The following PSMF1 variants were observed in gnomAD, a reference collection of about 807,000 sequenced individuals.
PSMF1 encodes proteasome inhibitor PI31 subunit.
A neutral mutation model predicts 29.3 loss-of-function variants in PSMF1; 30 were observed. That is an observed-to-expected ratio of 1.02 (90% CI 0.77 to 1.39). The LOEUF (loss-of-function observed/expected upper bound fraction) is 1.39. Ranked by LOEUF, PSMF1 falls within the 40% of genes most tolerant of loss-of-function variation. The pLI is 0.00. For missense variants in PSMF1, 344 were observed against 357.5 expected, an observed-to-expected ratio of 0.96 and a Z score of 0.31; for synonymous variants, 134 against 139.7, an observed-to-expected ratio of 0.96 and a Z score of 0.29.
chr20:1,127,339 G>A (rs760855370), intron 2 of PSMF1, 87 bp from the exon 3 acceptor site: 2 of 982,662 alleles, frequency 2.0e-6, no homozygotes, highest in South Asian at 2.6e-5. Context: ...TATTTCTTTA[G>A]GTTGAAGACT....
At chr20:1,147,224 C>A (rs535121149) in intron 4 of PSMF1, among the ~76,000 whole-genome samples, 4 of 152,224 alleles carry the variant, frequency 2.6e-5, no homozygotes, top group African/African-American at 9.6e-5. Flanking sequence ...CTTGGCTGTT[C>A]ACCATGCGTT....
intron 4 of PSMF1, among the ~76,000 whole-genome samples, chr20:1,158,784 T>C (rs1305365236): frequency 6.6e-6 from 1 of 152,134 alleles, no homozygotes; most frequent in African/African-American, 2.4e-5. Context: ...TGTACGAAAA[T>C]GATTTTAAAA....
At chr20:1,113,614 TCA>T (rs2085987545), upstream of PSMF1, among the ~76,000 whole-genome samples, 1 of 152,098 alleles carries the variant, frequency 6.6e-6, no homozygotes, top group Non-Finnish European at 1.5e-5. Flanking sequence ...AGAGCTCACC[TCA>T]TTCTTTCAAT....
At chr20:1,155,812 A>T (rs2086588036) in intron 4 of PSMF1, among the ~76,000 whole-genome samples, 1 of 152,238 alleles carries the variant, frequency 6.6e-6, no homozygotes, top group Admixed American at 6.5e-5. Context: ...AAACTTAACT[A>T]GGTTGATTGC....
In PSMF1 at chr20:1,135,326, C is replaced by G; in HGVS notation, c.551+20C>G. 6.3e-7 allele frequency: 1 copy of G among 1,591,754 alleles called. No homozygotes were observed. The highest frequency in any genetic ancestry group is 8.6e-7 in the Non-Finnish European group (1 of 1,168,590). On this transcript the variant is annotated intron_variant, in intron 4 of 6. Coordinates refer to ENST00000335877, the MANE Select transcript of PSMF1 (RefSeq NM_006814.5). ...TCCCTGGTGAGTACAGAGTGCCTAG[C>G]GGGAAGCCCATGCTTCTGTAGAGGG... is the stretch of plus-strand genomic sequence containing the variant.
rs138834719 is a variant in PSMF1 at position 1,142,269 on chromosome 20, C to CT, written c.551+6973dup. ...AAACTAAAATAACTCAGCTATAATT[C>CT]TTTTTTTTTTATTGTTATACTTCAA... On this transcript the variant is annotated intron_variant, in intron 4 of 6. Transcript: ENST00000335877. 8.8e-3 allele frequency among the ~76,000 whole-genome samples: 1,318 copies of CT among 149,632 alleles called. 4 individuals carry two copies. The highest frequency in any genetic ancestry group is 0.031 in the Middle Eastern group (9 of 288).
chr20:1,169,770 C>T lies in PSMF1; in HGVS notation c.*4690C>T, dbSNP rs184779847. On this transcript the variant is annotated 3_prime_UTR_variant, in exon 7 of 7. Coordinates refer to ENST00000335877, the MANE Select transcript of PSMF1 (RefSeq NM_006814.5). ...TCCAAGTTCAAGGCTCAATTGAATG[C>T]GTCTGGTTGTTGGAACCTACATGGC... 3.3e-5 allele frequency among the ~76,000 whole-genome samples: 5 copies of T among 152,278 alleles called. No homozygotes were observed. The highest frequency in any genetic ancestry group is 1.3e-4 in the Admixed American group (2 of 15,292).
At position 1,169,577 on chromosome 20, in the gene PSMF1, T is replaced by G. The variant is rs1318833363; in HGVS notation, c.*4497T>G. Among the ~76,000 whole-genome samples the G allele has an allele frequency of 6.6e-6, 1 of 152,026 alleles. No individual in the cohort carries two copies. The highest frequency in any genetic ancestry group is 1.5e-5 in the Non-Finnish European group (1 of 68,010). On this transcript the variant is annotated 3_prime_UTR_variant, in exon 7 of 7. Transcript: ENST00000335877. ...GGGATTCAGCTGCAGTAAACAGAAA[T>G]TTACCTTTTGTAACCAAAAAGGTAA... is the stretch of plus-strand genomic sequence containing the variant.
At chr20:1,161,709 G>T in intron 4 of PSMF1, 1 of 611,090 alleles carries the variant, frequency 1.6e-6, no homozygotes. Flanking sequence ...TGGACTACAA[G>T]CAGATGTGTA....
chr20:1,113,538 C>T (rs1203664815), intron 1 of PSMF1: 1 of 96,790 alleles, frequency 1.0e-5, no homozygotes, highest in East Asian at 3.6e-4. Flanking sequence ...CTGGAGGACC[C>T]TGGGGTTCAG....
chr20:1,129,017 A>G (rs113015129), intron 3 of PSMF1, among the ~76,000 whole-genome samples: 3,565 of 151,482 alleles, frequency 0.024, 127 homozygotes, highest in African/African-American at 0.082. Context: ...CTGGGACTAC[A>G]GGTGCCCACC....
chr20:1,155,472 A>G (rs933992202), intron 4 of PSMF1, among the ~76,000 whole-genome samples: 73 of 152,170 alleles, frequency 4.8e-4, no homozygotes, highest in Non-Finnish European at 4.4e-5. Context: ...GCACCGTTGT[A>G]GGAACTACAT....
intron 1 of PSMF1, among the ~76,000 whole-genome samples, chr20:1,120,903 C>G (rs1001405759): frequency 4.6e-5 from 7 of 152,194 alleles, no homozygotes; most frequent in African/African-American, 1.7e-4. Context: ...GAGGGCGTGT[C>G]TGATACCCTT....
intron 4 of PSMF1, among the ~76,000 whole-genome samples, chr20:1,139,816 A>AT (rs1178215452): frequency 1.3e-5 from 2 of 152,212 alleles, no homozygotes; most frequent in Non-Finnish European, 2.9e-5. Context: ...AATTAATGAA[A>AT]TTATCCCATT....
In PSMF1 at chr20:1,171,689, C is replaced by G. The variant is rs1022215846; in HGVS notation, c.*6609C>G. The stretch of plus-strand genomic sequence containing the variant: ...CAGCACCCTGGTCAGCGCCCAGCCT[C>G]CCTAAAGCCGCTGGAGGAGGCCTTT... On this transcript the variant is annotated 3_prime_UTR_variant, in exon 7 of 7. Coordinates refer to ENST00000335877, the MANE Select transcript of PSMF1 (RefSeq NM_006814.5). Among the ~76,000 whole-genome samples the G allele has an allele frequency of 6.6e-6, 1 of 152,200 alleles. No homozygotes were observed. The highest frequency in any genetic ancestry group is 1.5e-5 in the Non-Finnish European group (1 of 68,036).
intron 4 of PSMF1, among the ~76,000 whole-genome samples, chr20:1,135,859 T>C (rs1213729535): frequency 6.6e-6 from 1 of 152,090 alleles, no homozygotes; most frequent in Non-Finnish European, 1.5e-5. Context: ...ATGGCAGCAT[T>C]AGGACTGGAG....
intron 4 of PSMF1, among the ~76,000 whole-genome samples, chr20:1,160,148 C>T (rs1271232478): frequency 2.0e-5 from 3 of 152,164 alleles, no homozygotes; most frequent in Non-Finnish European, 4.4e-5. Flanking sequence ...TCACTGTTTA[C>T]GCTCTCGGTA....
At chr20:1,161,652 A>T in intron 4 of PSMF1, 1 of 678,040 alleles carries the variant, frequency 1.5e-6, no homozygotes, top group Admixed American at 1.9e-5. Context: ...AGCAAGCAGG[A>T]GTATGACAAG....
At chr20:1,160,087 C>T (rs947371595) in intron 4 of PSMF1, among the ~76,000 whole-genome samples, 2 of 151,786 alleles carry the variant, frequency 1.3e-5, no homozygotes, top group Non-Finnish European at 2.9e-5. Flanking sequence ...CTATGCATTA[C>T]GGAAAAAACA....
Sources: allele counts gnomAD v4.1 joint callset (sites outside exome capture counted in the v4.1 genomes callset), GRCh38; gene constraint gnomAD v4.1.1; transcripts MANE v1.5; gene names NCBI Gene and HGNC (gene_info 2026-07-23, HGNC 2026-07-21).